The following ZNF462 variants were observed in gnomAD, a reference collection of about 807,000 sequenced individuals.
ZNF462 encodes the protein zinc finger protein 462.
A neutral mutation model predicts 201.9 loss-of-function variants in ZNF462; 10 were observed. The observed-to-expected ratio is 0.05, with a 90% CI of 0.03 to 0.08. The LOEUF (loss-of-function observed/expected upper bound fraction) is 0.08, where lower values mean the gene tolerates loss of function less well. Ranked by LOEUF, ZNF462 falls within the 10% of genes least tolerant of loss-of-function variation. The pLI is 1.00. For missense variants in ZNF462, 2,523 were observed against 3,168.3 expected (o/e 0.80, Z 4.89); for synonymous variants, 1,227 against 1,193.3 (o/e 1.03, Z -0.58).
chr9:106,913,758 C>T lies in ZNF462; in HGVS notation c.-30-9596C>T, dbSNP rs146719886. Among the ~76,000 whole-genome samples, 2,587 of 150,414 alleles carry T rather than the reference C, an allele frequency of 0.017. 145 individuals are homozygous for T. Among genetic ancestry groups the T allele is most frequent in the Non-Finnish European group, 0.023 (1,570 of 67,304 alleles). On this transcript the variant is annotated intron_variant, in intron 1 of 12. Coordinates refer to ENST00000277225, the MANE Select transcript of ZNF462 (RefSeq NM_021224.6). This position sits in a 1 kb window ranked among gnomAD's most constrained non-coding sequence, Gnocchi z 4.1. ...GATTACAGGCACCTGCCACCAAGCC[C>T]GGCTAATTTTTGTGTGTGTTTTTAA... is the stretch of plus-strand genomic sequence containing the variant.
At chr9:106,916,756 A>G (rs1829790492) in intron 1 of ZNF462, among the ~76,000 whole-genome samples, 1 of 152,170 alleles carries the variant, frequency 6.6e-6, no homozygotes, top group African/African-American at 2.4e-5. Flanking sequence ...ATGAGCTGGA[A>G]TCTCATTTAT....
intron 1 of ZNF462, among the ~76,000 whole-genome samples, chr9:106,912,709 G>A (rs1829601153): frequency 6.6e-6 from 1 of 152,194 alleles, no homozygotes; most frequent in Non-Finnish European, 1.5e-5. Flanking sequence ...GGAAAATGAA[G>A]ATGTTGGACC....
chr9:106,864,761 G>C (rs1827257696), intron 1 of ZNF462, among the ~76,000 whole-genome samples: 1 of 152,140 alleles, frequency 6.6e-6, no homozygotes, highest in African/African-American at 2.4e-5. Flanking sequence ...CTTTCTCCCA[G>C]GGCTCCCGGG....
At chr9:106,861,432 T>A (rs952633678), upstream of ZNF462, among the ~76,000 whole-genome samples, 2 of 152,192 alleles carry the variant, frequency 1.3e-5, no homozygotes, top group African/African-American at 4.8e-5. Context: ...CCCAGGATCC[T>A]TAACACCGCG....
chr9:106,947,082 G>A (rs1403090158), intron 7 of ZNF462, among the ~76,000 whole-genome samples: 1 of 152,174 alleles, frequency 6.6e-6, no homozygotes, highest in African/African-American at 2.4e-5. Context: ...ATACAGCTGG[G>A]AGAATCTGCT....
upstream of ZNF462, chr9:106,863,150 C>T (rs1408706819): frequency 1.3e-5 from 5 of 398,386 alleles, no homozygotes; most frequent in East Asian, 1.8e-4. Context: ...TATCTCAGGT[C>T]ATCTGCAGCT....
In ZNF462 at chr9:106,978,930, G is replaced by T; in HGVS notation, c.6832+4657G>T. 1 of 319,852 alleles carries T rather than the reference G, an allele frequency of 3.1e-6. No individual in the cohort carries two copies. Among genetic ancestry groups the T allele is most frequent in the Non-Finnish European group, 6.0e-6 (1 of 165,614 alleles). 19.8% of individuals were successfully genotyped at this position (319,852 alleles called of 1,614,324 possible). A position where few individuals can be genotyped will look rare whatever the true frequency, so the allele number is the denominator to read the frequency against. ...GGTCCTGATGGCTTCTACCAGCTTA[G>T]CCAAAGCGCCTTTGTCTTCCAAGTT... On this transcript the variant is annotated intron_variant, in intron 9 of 12. Transcript: ENST00000277225. The surrounding 1 kb of genome is among the most constrained non-coding windows in gnomAD (Gnocchi z 4.1).
chr9:106,916,251 A>G (rs1046497731), intron 1 of ZNF462, among the ~76,000 whole-genome samples: 8 of 152,182 alleles, frequency 5.3e-5, no homozygotes, highest in Non-Finnish European at 1.0e-4. Context: ...GTGAGGCACG[A>G]ACACTTTGGG....
upstream of ZNF462, chr9:106,862,951 T>A (rs887930021): frequency 2.5e-6 from 1 of 394,188 alleles, no homozygotes; most frequent in Non-Finnish European, 4.5e-6. The surrounding 1 kb of genome is among the most constrained non-coding windows in gnomAD (Gnocchi z 4.2). Context: ...ATTGTCTTCC[T>A]TCTCTCTTTC....
Position 106,929,894 on chromosome 9 carries a change from T to C in ZNF462, c.5847+135T>C. The C allele has an allele frequency of 1.3e-6, 1 of 765,118 alleles. No homozygotes were observed. The highest frequency in any genetic ancestry group is 2.8e-5 in the Admixed American group (1 of 35,148). 47.4% of individuals were successfully genotyped at this position (765,118 alleles called of 1,614,324 possible). A position where few individuals can be genotyped will look rare whatever the true frequency, so the allele number is the denominator to read the frequency against. On this transcript the variant is annotated intron_variant, in intron 3 of 12. Coordinates refer to ENST00000277225, the MANE Select transcript of ZNF462 (RefSeq NM_021224.6). The surrounding 1 kb of genome is among the most constrained non-coding windows in gnomAD (Gnocchi z 8.7). Reference sequence around the variant, plus strand: ...TTGCCAGAGAGCTCAATAAGTCAATTAAACATTTCGAGCTTGATTATCTCC... The same window carrying C: ...TTGCCAGAGAGCTCAATAAGTCAATCAAACATTTCGAGCTTGATTATCTCC...
chr9:106,907,961 A>G (rs1259534725), intron 1 of ZNF462, among the ~76,000 whole-genome samples: 10 of 152,026 alleles, frequency 6.6e-5, no homozygotes, highest in African/African-American at 2.4e-4. Context: ...TACCCCAGAA[A>G]TTACTTAGGA....
In ZNF462 at chr9:106,932,173, G is replaced by A. The variant is rs988591203; in HGVS notation, c.6013-273G>A. ...TGACAAGAAGTGCTGTTGAGTTTGG[G>A]AGAATGTAGGGAGAAAAAGAAAGCT... On this transcript the variant is annotated intron_variant, in intron 4 of 12. Transcript: ENST00000277225. The surrounding 1 kb of genome is among the most constrained non-coding windows in gnomAD (Gnocchi z 6.8). 3.8e-5 allele frequency: 57 copies of A among 1,506,408 alleles called. No individual in the cohort carries two copies. Among genetic ancestry groups the A allele is most frequent in the Admixed American group, 4.1e-5 (2 of 48,748 alleles). The allele number at this position is 1,506,408 out of a possible 1,614,324, so 93.3% of individuals were successfully genotyped here. A position where few individuals can be genotyped will look rare whatever the true frequency, so the allele number is the denominator to read the frequency against.
chr9:106,944,799 G>A (rs961145599), intron 7 of ZNF462, among the ~76,000 whole-genome samples: 9 of 152,124 alleles, frequency 5.9e-5, no homozygotes, highest in Admixed American at 3.9e-4. Context: ...ACATAAGAAT[G>A]TACAGTATTT....
Position 106,910,869 on chromosome 9 carries a change from T to A in ZNF462, c.-30-12485T>A, listed in dbSNP as rs988875766. Among the ~76,000 whole-genome samples the A allele has an allele frequency of 2.6e-5, 4 of 152,168 alleles. No homozygotes were observed. The East Asian group carries it at 7.7e-4, about 29-fold the overall frequency. ...CAGATGTTGGTTCTTAACTGAGAGT[T>A]TAGCCCTGCAATATAGCTTTAGGGC... On this transcript the variant is annotated intron_variant, in intron 1 of 12. Coordinates refer to ENST00000277225, the MANE Select transcript of ZNF462 (RefSeq NM_021224.6).
At chr9:106,862,082 C>A (rs1188980443), upstream of ZNF462, among the ~76,000 whole-genome samples, 1 of 152,090 alleles carries the variant, frequency 6.6e-6, no homozygotes, top group Non-Finnish European at 1.5e-5. The surrounding 1 kb of genome is among the most constrained non-coding windows in gnomAD (Gnocchi z 4.2). Flanking sequence ...CACCCCCCCA[C>A]CTTCCATATC....
intron 1 of ZNF462, among the ~76,000 whole-genome samples, chr9:106,922,771 A>G (rs947318834): frequency 1.3e-5 from 2 of 152,228 alleles, no homozygotes; most frequent in African/African-American, 4.8e-5. Context: ...AAGGGAGGAA[A>G]GAGAGGTGCA....
At position 107,010,835 on chromosome 9, in the gene ZNF462, C is replaced by T. The variant is rs775766869; in HGVS notation, c.7326C>T (p.Asp2442=). 1.2e-6 allele frequency: 2 copies of T among 1,612,590 alleles called. No homozygotes were observed. Among genetic ancestry groups the T allele is most frequent in the South Asian group, 1.1e-5 (1 of 90,938 alleles). ...HVLRHGMALN[D]TKQVSREEIH... ...AATGTTTTTCCAGGGCATTGAATGACACCAAGCAGGTGAGCAGAGAAGAAA... is the reference window on the plus strand; with the variant it reads ...AATGTTTTTCCAGGGCATTGAATGATACCAAGCAGGTGAGCAGAGAAGAAA... The change falls in exon 13 of 13, where the codon GAC becomes GAT. Residue 2442 remains aspartate, a synonymous_variant. Transcript: ENST00000277225. This position sits in a 1 kb window ranked among gnomAD's most constrained non-coding sequence, Gnocchi z 4.6.
intron 7 of ZNF462, among the ~76,000 whole-genome samples, chr9:106,952,912 A>G (rs1831414785): frequency 6.6e-6 from 1 of 152,138 alleles, no homozygotes; most frequent in African/African-American, 2.4e-5. Context: ...AATCCAGCAG[A>G]GTTGAGGTTA....
chr9:106,949,961 C>A (rs1051979143), intron 7 of ZNF462, among the ~76,000 whole-genome samples: 1 of 152,184 alleles, frequency 6.6e-6, no homozygotes, highest in African/African-American at 2.4e-5. Flanking sequence ...TTTACTCTGA[C>A]CACTGTGGGT....
Sources: allele counts gnomAD v4.1 joint callset (sites outside exome capture counted in the v4.1 genomes callset), GRCh38; gene constraint gnomAD v4.1.1; non-coding constraint Gnocchi (gnomAD v3.1); transcripts MANE v1.5; gene names NCBI Gene and HGNC (gene_info 2026-07-23, HGNC 2026-07-21).